The following ELMO1 variants were observed in gnomAD, a reference collection of about 807,000 sequenced individuals.
ELMO1 encodes the protein engulfment and cell motility 1.
In ELMO1, 26 loss-of-function variants were observed where a neutral mutation model predicts 98.9. That is an observed-to-expected ratio of 0.26 (90% CI 0.19 to 0.36). The LOEUF is 0.36. Ranked by LOEUF, ELMO1 falls within the 10% of genes least tolerant of loss-of-function variation. The pLI, the probability that ELMO1 is intolerant of heterozygous loss-of-function variation, is 1.00. For synonymous variants in ELMO1, 346 were observed against 346.0 expected (o/e 1.00, Z 0.00); for missense variants, 627 against 935.2 (o/e 0.67, Z 4.30).
At chr7:37,411,368 CA>C (rs1803985047) in intron 1 of ELMO1, among the ~76,000 whole-genome samples, 1 of 152,136 alleles carries the variant, frequency 6.6e-6, no homozygotes, top group African/African-American at 2.4e-5. Flanking sequence ...CTTTCTTTTC[CA>C]GGAACAAGTG....
chr7:37,305,173 A>G (rs368564677), intron 4 of ELMO1, among the ~76,000 whole-genome samples: 1 of 152,220 alleles, frequency 6.6e-6, no homozygotes, highest in Non-Finnish European at 1.5e-5. Context: ...AATGGATCTT[A>G]GCCTAGGGTG....
At chr7:36,909,592 G>C (rs1784206659) in intron 16 of ELMO1, among the ~76,000 whole-genome samples, 1 of 152,200 alleles carries the variant, frequency 6.6e-6, no homozygotes, top group Admixed American at 6.5e-5. Context: ...TCGTGTGTGT[G>C]GGTTGGTAAC....
At chr7:37,166,546 C>A (rs1345092034) in intron 13 of ELMO1, among the ~76,000 whole-genome samples, 1 of 151,894 alleles carries the variant, frequency 6.6e-6, no homozygotes, top group East Asian at 1.9e-4. Flanking sequence ...TGTCTTTGTT[C>A]TGGTTGGTTT....
chr7:37,270,077 C>T (rs2130848510), intron 5 of ELMO1: 1 of 152,214 alleles, frequency 6.6e-6, no homozygotes, highest in East Asian at 1.9e-4. Context: ...TTTTTCTGTC[C>T]AGCAAGCAGA....
chr7:37,234,886 G>A lies in ELMO1; in HGVS notation c.450-1692C>T, dbSNP rs148741815. Among the ~76,000 whole-genome samples, 119 of 152,314 alleles carry A rather than the reference G, an allele frequency of 7.8e-4. 1 individual carries two copies. In the East Asian group the frequency reaches 0.021, roughly 27 times the overall value. ...AAGATTTTCAAATGTTTCACCTTGT[G>A]TTAAGGATTCTCTGTTCTTAGAACT... On this transcript the variant is annotated intron_variant, in intron 7 of 21. Transcript: ENST00000310758.
intron 1 of ELMO1, among the ~76,000 whole-genome samples, chr7:37,357,076 C>T (rs1386775059): frequency 6.6e-6 from 1 of 152,222 alleles, no homozygotes; most frequent in Non-Finnish European, 1.5e-5. Flanking sequence ...CTCAGTCATA[C>T]TGCCATTAGG....
intron 16 of ELMO1, among the ~76,000 whole-genome samples, chr7:36,916,443 A>C (rs1784697197): frequency 6.6e-6 from 1 of 152,256 alleles, no homozygotes; most frequent in Non-Finnish European, 1.5e-5. Flanking sequence ...CAGGTTTTAT[A>C]AACTCAAATA....
chr7:37,416,194 T>C (rs1804205333), intron 1 of ELMO1, among the ~76,000 whole-genome samples: 1 of 152,210 alleles, frequency 6.6e-6, no homozygotes, highest in South Asian at 2.1e-4. Flanking sequence ...AAATCAGATA[T>C]GCCACCAAAA....
At chr7:37,275,189 C>T (rs868481864) in intron 4 of ELMO1, among the ~76,000 whole-genome samples, 12 of 152,296 alleles carry the variant, frequency 7.9e-5, no homozygotes, top group Middle Eastern at 3.4e-3. Flanking sequence ...ACATACATGA[C>T]AGCAAATAAT....
chr7:37,250,424 T>A lies in ELMO1; in HGVS notation c.414-6033A>T, dbSNP rs140441185. On this transcript the variant is annotated intron_variant, in intron 6 of 21. Transcript: ENST00000310758. ...CATCAAGATATTAAAAATAGTCGTC[T>A]GTGGAAAGGCACACTACAAATTATT... Among the ~76,000 whole-genome samples the A allele has an allele frequency of 7.4e-4, 112 of 152,336 alleles. 3 individuals carry two copies. The East Asian group carries it at 0.021, about 28-fold the overall frequency.
intron 18 of ELMO1, among the ~76,000 whole-genome samples, chr7:36,880,987 C>T (rs1804406816): frequency 6.6e-6 from 1 of 152,214 alleles, no homozygotes. Context: ...TTTCCTCCTA[C>T]CTCTGGCTAA....
chr7:37,045,241 C>CTACTAT (rs1584559266), intron 15 of ELMO1, among the ~76,000 whole-genome samples: 1 of 152,168 alleles, frequency 6.6e-6, no homozygotes, highest in African/African-American at 2.4e-5. Context: ...TGGACTTCAG[C>CTACTAT]TACTATTACT....
At chr7:36,978,094 T>C (rs867885216) in intron 16 of ELMO1, among the ~76,000 whole-genome samples, 1 of 152,292 alleles carries the variant, frequency 6.6e-6, no homozygotes, top group Middle Eastern at 3.4e-3. Flanking sequence ...GTTGAATAAA[T>C]TGAGCAAGAA....
chr7:37,412,564 G>A (rs942824027), intron 1 of ELMO1, among the ~76,000 whole-genome samples: 4 of 150,620 alleles, frequency 2.7e-5, no homozygotes, highest in African/African-American at 9.8e-5. Context: ...AAAAACTAAT[G>A]CAACCATCAT....
At chr7:37,122,350 T>C (rs1489166598) in intron 14 of ELMO1, among the ~76,000 whole-genome samples, 1 of 152,112 alleles carries the variant, frequency 6.6e-6, no homozygotes, top group Non-Finnish European at 1.5e-5. Context: ...GCAAATTGGA[T>C]AATGAGTCAA....
chr7:36,929,830 C>T (rs887322458), intron 16 of ELMO1, among the ~76,000 whole-genome samples: 1 of 152,194 alleles, frequency 6.6e-6, no homozygotes, highest in African/African-American at 2.4e-5. Flanking sequence ...CCCCTGGAAA[C>T]AAGCCAGAGC....
intron 13 of ELMO1, among the ~76,000 whole-genome samples, chr7:37,185,375 C>T (rs1214103886): frequency 6.6e-6 from 1 of 152,128 alleles, no homozygotes; most frequent in Non-Finnish European, 1.5e-5. Flanking sequence ...TTAAAAATAA[C>T]ATTGTATTTT....
intron 15 of ELMO1, among the ~76,000 whole-genome samples, chr7:37,057,956 C>T (rs1796472926): frequency 6.6e-6 from 1 of 152,168 alleles, no homozygotes; most frequent in Non-Finnish European, 1.5e-5. Flanking sequence ...TAATAAAGAG[C>T]AAGATGTTAT....
At chr7:36,949,805 C>T (rs1421712451) in intron 16 of ELMO1, among the ~76,000 whole-genome samples, 1 of 152,132 alleles carries the variant, frequency 6.6e-6, no homozygotes, top group Non-Finnish European at 1.5e-5. Flanking sequence ...TCCTCCACCA[C>T]CCCACCCAGA....
Sources: allele counts gnomAD v4.1 joint callset (sites outside exome capture counted in the v4.1 genomes callset), GRCh38; gene constraint gnomAD v4.1.1; transcripts MANE v1.5; gene names NCBI Gene and HGNC (gene_info 2026-07-23, HGNC 2026-07-21).